Variants in PTCD2 observed in about 807,000 individuals in gnomAD.
The protein encoded by PTCD2 is pentatricopeptide repeat domain 2.
Under a neutral mutation model 42.6 loss-of-function variants are expected in PTCD2, and 31 were observed. The ratio of observed to expected loss-of-function variants is 0.73; its 90% CI spans 0.55 to 0.98. The LOEUF is 0.98. Among genes scored for constraint, PTCD2 ranks in the 50% least tolerant of loss-of-function variants. The probability of loss-of-function intolerance (pLI) is 0.00; values close to 1 mark genes in which losing one functional copy is unlikely to be tolerated. For missense variants in PTCD2, 476 were observed against 454.8 expected (o/e 1.05, Z -0.42); for synonymous variants, 183 against 170.9 (o/e 1.07, Z -0.55).
intron 7 of PTCD2, among the ~76,000 whole-genome samples, chr5:72,340,431 A>T (rs1751995494): frequency 6.6e-6 from 1 of 152,146 alleles, no homozygotes; most frequent in Non-Finnish European, 1.5e-5. Flanking sequence ...AGGAAATGGG[A>T]ATGCCTTTTC....
At chr5:72,339,293 C>A (rs1342639148) in intron 7 of PTCD2, among the ~76,000 whole-genome samples, 2 of 152,196 alleles carry the variant, frequency 1.3e-5, no homozygotes, top group Non-Finnish European at 2.9e-5. Flanking sequence ...CCCTGGAACA[C>A]CATCTCTCTG....
rs1753033935 is a variant in PTCD2, at chr5:72,359,262, T to G, written c.*835T>G. 1 of 152,216 alleles carries G rather than the reference T, an allele frequency of 6.6e-6. No homozygotes were observed. Among genetic ancestry groups the G allele is most frequent in the Non-Finnish European group, 1.5e-5 (1 of 68,040 alleles). 9.4% of individuals were successfully genotyped at this position (152,216 alleles called of 1,614,324 possible). A position where few individuals can be genotyped will look rare whatever the true frequency, so the allele number is the denominator to read the frequency against. On this transcript the variant is annotated 3_prime_UTR_variant, in exon 10 of 10. Transcript: ENST00000380639. ...TTATTTGTTAATGATTTTTCTCTCT[T>G]GAATGCCTCATATTAAAAAAAAATG... is the stretch of plus-strand genomic sequence containing the variant.
chr5:72,324,827 A>G (rs1751052979), intron 2 of PTCD2, among the ~76,000 whole-genome samples: 1 of 152,220 alleles, frequency 6.6e-6, no homozygotes, highest in Non-Finnish European at 1.5e-5. Context: ...ACACACAAAG[A>G]AGGATACTTC....
At position 72,361,362 on chromosome 5, in the gene PTCD2, C is replaced by T. The variant is rs1753091366; in HGVS notation, c.*2935C>T. 6.6e-6 allele frequency: 1 copy of T among 152,226 alleles called. No individual in the cohort carries two copies. Among genetic ancestry groups the T allele is most frequent in the Non-Finnish European group, 1.5e-5 (1 of 68,056 alleles). The allele number at this position is 152,226 out of a possible 1,614,324, so 9.4% of individuals were successfully genotyped here. On this transcript the variant is annotated 3_prime_UTR_variant, in exon 10 of 10. Transcript: ENST00000380639. ...ATTGTGGCCGCGACTGGCATAATCT[C>T]AAAGGCTTCCTTAGTATTTCTGGCA... is the stretch of plus-strand genomic sequence containing the variant.
In PTCD2 at chr5:72,320,500, C is replaced by G; in HGVS notation, c.118C>G (p.Pro40Ala). 1 of 1,613,918 alleles carries G rather than the reference C, an allele frequency of 6.2e-7. No homozygotes were observed. Among genetic ancestry groups the G allele is most frequent in the Non-Finnish European group, 8.5e-7 (1 of 1,180,028 alleles). ...CTCCGGCTCTGTCAGCTGCCGCTGCCCTCTCGGAGGTATCCGCGGCTTTAG... is the reference window on the plus strand; with the variant it reads ...CTCCGGCTCTGTCAGCTGCCGCTGCGCTCTCGGAGGTATCCGCGGCTTTAG... ...GGSGSVSCRC[P>A]LGAKRYLLTD... Residue 40 changes from proline to alanine, a missense_variant, in exon 1 of 10, where the codon CCT (proline) becomes GCT (alanine). Physicochemically the swap from Pro to Ala is conservative, Grantham distance 27. Transcript: ENST00000380639.
In PTCD2 at chr5:72,320,456, T is replaced by C; in HGVS notation, c.74T>C (p.Val25Ala). 6.2e-7 allele frequency: 1 copy of C among 1,613,884 alleles called. No homozygotes were observed. The highest frequency in any genetic ancestry group is 8.5e-7 in the Non-Finnish European group (1 of 1,179,972). The change falls in exon 1 of 10, where the codon GTG becomes GCG. Residue 25 changes from valine (V) to alanine (A), a missense_variant. Physicochemically the swap from Val to Ala is moderately conservative, Grantham distance 64. Transcript: ENST00000380639. ...CTCCTGCAGGCGCTGCAGATTTTGG[T>C]GTATCCTGGGGTGGGAGGCTCCGGC... Reference protein sequence around the residue: ...RVLLQALQILVYPGVGGSGSV... With the variant: ...RVLLQALQILAYPGVGGSGSV...
chr5:72,337,948 G>A, intron 6 of PTCD2, among the ~76,000 whole-genome samples: 1 of 152,182 alleles, frequency 6.6e-6, no homozygotes, highest in Non-Finnish European at 1.5e-5. Context: ...TCTGGGAACT[G>A]TCCTCTCTCA....
Position 72,363,340 on chromosome 5 carries a change from C to T in PTCD2, c.*4913C>T, listed in dbSNP as rs918045298. ...CACCCCCAGAATATCTGATTCCATA[C>T]ATATGAGTCAGGGCCCAAGAATTTG... On this transcript the variant is annotated 3_prime_UTR_variant, in exon 10 of 10. Coordinates refer to ENST00000380639, the MANE Select transcript of PTCD2 (RefSeq NM_024754.5). 6.6e-6 allele frequency: 1 copy of T among 152,224 alleles called. No homozygotes were observed. The highest frequency in any genetic ancestry group is 2.4e-5 in the African/African-American group (1 of 41,466). The allele number at this position is 152,224 out of a possible 1,614,324, so 9.4% of individuals were successfully genotyped here.
intron 5 of PTCD2, 170 bp from the exon 6 acceptor site, chr5:72,335,624 T>G: frequency 2.0e-6 from 1 of 493,204 alleles, no homozygotes; most frequent in Non-Finnish European, 3.6e-6. Flanking sequence ...GTTCTTCCTG[T>G]TTGACTTGAT....
rs749582326 is a variant in PTCD2, at chr5:72,326,595, A to G, written c.221-17A>G. 3.1e-6 allele frequency: 5 copies of G among 1,613,910 alleles called. No individual in the cohort carries two copies. The Admixed American group carries it at 8.3e-5, about 27-fold the overall frequency. The stretch of plus-strand genomic sequence containing the variant: ...AGTCAGCCTGAGTGATGGTCACCAT[A>G]CTGTGCTTTCTTCCAGAAACGTATT... On this transcript the variant is annotated splice_polypyrimidine_tract_variant and intron_variant, in intron 2 of 9. Transcript: ENST00000380639.
rs995412526 is a variant in PTCD2 at position 72,365,810 on chromosome 5, C to T, written c.*7383C>T. Reference sequence around the variant, plus strand: ...CATTTCCAATTTAGAAGATCATAATCGATTTTTAACACATTGGTCCTTAGG... The same window carrying T: ...CATTTCCAATTTAGAAGATCATAATTGATTTTTAACACATTGGTCCTTAGG... On this transcript the variant is annotated 3_prime_UTR_variant, in exon 10 of 10. Transcript: ENST00000380639. 6.6e-6 allele frequency: 1 copy of T among 152,044 alleles called. No homozygotes were observed. Among genetic ancestry groups the T allele is most frequent in the South Asian group, 2.1e-4 (1 of 4,818 alleles). The allele number at this position is 152,044 out of a possible 1,614,324, so 9.4% of individuals were successfully genotyped here. A position where few individuals can be genotyped will look rare whatever the true frequency, so the allele number is the denominator to read the frequency against.
intron 8 of PTCD2, among the ~76,000 whole-genome samples, chr5:72,343,817 T>C (rs1434026353): frequency 6.6e-6 from 1 of 152,084 alleles, no homozygotes; most frequent in Admixed American, 6.5e-5. Flanking sequence ...GACTGTCTTG[T>C]TATTAAGGAC....
rs116892917 is a variant in PTCD2 at position 72,358,090 on chromosome 5, C to T, written c.943-113C>T. Reference sequence around the variant, plus strand: ...GCTTAGATTAAAGCATGGGCCACCTCGCCTGGCCTACCATACATTTTTGTT... The same window carrying T: ...GCTTAGATTAAAGCATGGGCCACCTTGCCTGGCCTACCATACATTTTTGTT... On this transcript the variant is annotated intron_variant, in intron 9 of 9. Transcript: ENST00000380639. 4.0e-4 allele frequency: 382 copies of T among 957,210 alleles called. 1 individual carries two copies. The East Asian group carries it at 7.6e-3, about 19-fold the overall frequency. The allele number at this position is 957,210 out of a possible 1,614,324, so 59.3% of individuals were successfully genotyped here.
At chr5:72,333,151 C>A (rs1751531458) in intron 4 of PTCD2, among the ~76,000 whole-genome samples, 1 of 152,108 alleles carries the variant, frequency 6.6e-6, no homozygotes. Context: ...CTAGGGGGCC[C>A]ATTGTGCCAT....
intron 2 of PTCD2, among the ~76,000 whole-genome samples, chr5:72,325,159 G>A (rs1751072604): frequency 1.3e-5 from 2 of 152,168 alleles, no homozygotes. Flanking sequence ...CTGACCTCAA[G>A]TGATCCACCC....
In PTCD2 at chr5:72,367,130, A is replaced by G. The variant is rs1267054758; in HGVS notation, c.*8703A>G. On this transcript the variant is annotated 3_prime_UTR_variant, in exon 10 of 10. Coordinates refer to ENST00000380639, the MANE Select transcript of PTCD2 (RefSeq NM_024754.5). ...ATCATCAGGAATGACTAAATCTTGG[A>G]GCGTTCTCCATTTAAGTGAGGGAAA... 6.6e-6 allele frequency: 1 copy of G among 152,194 alleles called. No individual in the cohort carries two copies. The highest frequency in any genetic ancestry group is 2.4e-5 in the African/African-American group (1 of 41,448). 9.4% of individuals were successfully genotyped at this position (152,194 alleles called of 1,614,324 possible). A position where few individuals can be genotyped will look rare whatever the true frequency, so the allele number is the denominator to read the frequency against.
intron 9 of PTCD2, among the ~76,000 whole-genome samples, chr5:72,355,647 G>A (rs1010294908): frequency 6.6e-6 from 1 of 152,178 alleles, no homozygotes; most frequent in Admixed American, 6.5e-5. Context: ...GATGGCTTAA[G>A]TACACAAATT....
rs1753005097 is a variant in PTCD2, at chr5:72,358,624, G to A, written c.*197G>A. 1 of 587,002 alleles carries A rather than the reference G, an allele frequency of 1.7e-6. No homozygotes were observed. The highest frequency in any genetic ancestry group is 2.8e-5 in the East Asian group (1 of 35,412). The allele number at this position is 587,002 out of a possible 1,614,324, so 36.4% of individuals were successfully genotyped here. A position where few individuals can be genotyped will look rare whatever the true frequency, so the allele number is the denominator to read the frequency against. On this transcript the variant is annotated 3_prime_UTR_variant, in exon 10 of 10. Coordinates refer to ENST00000380639, the MANE Select transcript of PTCD2 (RefSeq NM_024754.5). ...CACCACTGTGAAGGTCTAGATGCAA[G>A]CTTGGCTCCCTCAGAAAGGCGCTTC... is the stretch of plus-strand genomic sequence containing the variant.
In PTCD2 at chr5:72,361,819, A is replaced by G. The variant is rs1297789974; in HGVS notation, c.*3392A>G. The G allele has an allele frequency of 2.0e-5, 3 of 152,230 alleles. 1 individual carries two copies. The highest frequency in any genetic ancestry group is 1.3e-4 in the Admixed American group (2 of 15,264). The allele number at this position is 152,230 out of a possible 1,614,324, so 9.4% of individuals were successfully genotyped here. A position where few individuals can be genotyped will look rare whatever the true frequency, so the allele number is the denominator to read the frequency against. ...CTCTTCCCCTCTTGTGGAATGGCTAATTCCTACTCATCATTCAGGTCTTGG... is the reference window on the plus strand; with the variant it reads ...CTCTTCCCCTCTTGTGGAATGGCTAGTTCCTACTCATCATTCAGGTCTTGG... On this transcript the variant is annotated 3_prime_UTR_variant, in exon 10 of 10. Coordinates refer to ENST00000380639, the MANE Select transcript of PTCD2 (RefSeq NM_024754.5).
Sources: allele counts gnomAD v4.1 joint callset (sites outside exome capture counted in the v4.1 genomes callset), GRCh38; gene constraint gnomAD v4.1.1; transcripts MANE v1.5; gene names NCBI Gene and HGNC (gene_info 2026-07-23, HGNC 2026-07-21).